CFAP47: variants seen among roughly 807,000 people sequenced by gnomAD.
The protein encoded by CFAP47 is cilia and flagella associated protein 47.
Under a neutral mutation model 148.1 loss-of-function variants are expected in CFAP47, and 29 were observed. The observed-to-expected ratio is 0.20, with a 90% CI of 0.15 to 0.27. CFAP47 has a LOEUF of 0.27. CFAP47 is among the 10% of genes least tolerant of loss of function. The probability of loss-of-function intolerance (pLI) is 1.00; values close to 1 mark genes in which losing one functional copy is unlikely to be tolerated. For missense variants in CFAP47, 1,872 were observed against 1,697.5 expected (o/e 1.10, Z -1.81); for synonymous variants, 664 against 577.3 (o/e 1.15, Z -2.15).
Position 36,361,329 on chromosome X carries a change from G to T in CFAP47, c.8852-1G>T. 9.4e-7 allele frequency: 1 copy of T among 1,061,916 alleles called. No homozygotes were observed. The allele number at this position is 1,061,916 out of a possible 1,213,427, so 87.5% of individuals were successfully genotyped here. ...ATATATTTTCATCTTGACTTTCCTA[G>T]AAATTCCTAAAATACATGAATTCGA... On this transcript the variant is annotated splice_acceptor_variant, in intron 60 of 63. Coordinates refer to ENST00000378653, the MANE Select transcript of CFAP47 (RefSeq NM_001304548.2). LOFTEE classifies it high-confidence loss of function.
At chrX:36,230,865 G>T (rs1271623916) in intron 46 of CFAP47, among the ~76,000 whole-genome samples, 1 of 106,647 alleles carries the variant, frequency 9.4e-6, no homozygotes, top group Non-Finnish European at 1.9e-5. Context: ...TATTAAATAA[G>T]GAATCCTTTC....
chrX:36,027,762 A>G (rs1410686748), intron 22 of CFAP47, among the ~76,000 whole-genome samples: 1 of 111,824 alleles, frequency 8.9e-6, no homozygotes, highest in Non-Finnish European at 1.9e-5. Flanking sequence ...GTACTAACTT[A>G]TATTCCCATC....
intron 15 of CFAP47, among the ~76,000 whole-genome samples, chrX:35,984,332 T>C (rs1936686323): frequency 9.0e-6 from 1 of 111,683 alleles, no homozygotes; most frequent in South Asian, 3.7e-4. Flanking sequence ...TTGCATCCAT[T>C]TGGATCTTCT....
intron 35 of CFAP47, among the ~76,000 whole-genome samples, chrX:36,139,210 T>C (rs1939098491): frequency 1.8e-5 from 2 of 111,549 alleles, no homozygotes; most frequent in Non-Finnish European, 3.8e-5. Context: ...AAAGACAGTG[T>C]GGAAGAGACA....
At position 36,101,382 on chromosome X, in the gene CFAP47, A is replaced by G. The variant is rs148046319; in HGVS notation, c.5127+1503A>G. On this transcript the variant is annotated intron_variant, in intron 32 of 63. Coordinates refer to ENST00000378653, the MANE Select transcript of CFAP47 (RefSeq NM_001304548.2). ...GCTTCCAGTGTCCCACTGACTTCAC[A>G]CTCACGTCAGAAATGGTTACAAGAA... Among the ~76,000 whole-genome samples the G allele has an allele frequency of 5.3e-3, 589 of 111,977 alleles. 3 individuals carry two copies. The highest frequency in any genetic ancestry group is 0.017 in the African/African-American group (535 of 30,882).
At chrX:35,932,491 A>G (rs189599415) in intron 2 of CFAP47, among the ~76,000 whole-genome samples, 227 of 109,410 alleles carry the variant, frequency 2.1e-3, no homozygotes, top group African/African-American at 7.3e-3. Flanking sequence ...GGCTCAAGCA[A>G]TCCTCCCACC....
intron 18 of CFAP47, among the ~76,000 whole-genome samples, chrX:35,996,380 G>A (rs1601922559): frequency 9.0e-6 from 1 of 111,346 alleles, no homozygotes; most frequent in African/African-American, 3.3e-5. Context: ...CTATCTAGCT[G>A]GCATATTGAT....
chrX:36,080,550 A>C, intron 29 of CFAP47, among the ~76,000 whole-genome samples: 1 of 111,919 alleles, frequency 8.9e-6, no homozygotes, highest in Non-Finnish European at 1.9e-5. Flanking sequence ...TCAATGATAG[A>C]CTGGATTAAG....
At chrX:36,284,608 C>T (rs147742221) in intron 50 of CFAP47, among the ~76,000 whole-genome samples, 161 of 111,388 alleles carry the variant, frequency 1.4e-3, no homozygotes, top group Non-Finnish European at 2.2e-3. Context: ...TCATACAGTG[C>T]CATACAATAC....
chrX:36,361,256 C>T, intron 60 of CFAP47, 74 bp from the exon 61 acceptor site: 1 of 563,063 alleles, frequency 1.8e-6, no homozygotes, highest in South Asian at 3.2e-5. Context: ...CATTGTTAGT[C>T]TTGACAGGTA....
chrX:36,116,640 G>A (rs751713332), intron 33 of CFAP47, among the ~76,000 whole-genome samples: 35 of 111,198 alleles, frequency 3.1e-4, no homozygotes, highest in South Asian at 7.5e-4. Context: ...GTGCACAGTA[G>A]GTGTATATAT....
chrX:36,353,413 A>C, intron 59 of CFAP47, 116 bp from the exon 60 acceptor site: 2 of 585,939 alleles, frequency 3.4e-6, no homozygotes, highest in Non-Finnish European at 5.4e-6. Context: ...ATACAATGAC[A>C]AGTCAAAGTA....
intron 49 of CFAP47, among the ~76,000 whole-genome samples, chrX:36,265,917 C>G (rs1263450467): frequency 9.0e-6 from 1 of 111,626 alleles, no homozygotes; most frequent in East Asian, 2.8e-4. Context: ...GGTGTGACTG[C>G]GGTACAAGTT....
chrX:36,313,264 T>G (rs994383314), intron 56 of CFAP47, among the ~76,000 whole-genome samples: 1 of 111,424 alleles, frequency 9.0e-6, no homozygotes, highest in Non-Finnish European at 1.9e-5. Context: ...CTCACAGTTC[T>G]TCATGGCTGG....
At chrX:36,213,414 G>T (rs1282850437) in intron 45 of CFAP47, among the ~76,000 whole-genome samples, 2 of 111,290 alleles carry the variant, frequency 1.8e-5, no homozygotes, top group Non-Finnish European at 3.8e-5. Context: ...CATATTCCAG[G>T]CCCAACTCTA....
chrX:35,926,396 A>C (rs993184292), intron 2 of CFAP47, among the ~76,000 whole-genome samples: 2 of 112,132 alleles, frequency 1.8e-5, no homozygotes, highest in African/African-American at 6.5e-5. Flanking sequence ...GAATTTTTGC[A>C]AACTTGTATT....
intron 3 of CFAP47, among the ~76,000 whole-genome samples, chrX:35,946,163 G>A (rs1396662915): frequency 9.0e-6 from 1 of 110,807 alleles, no homozygotes; most frequent in Non-Finnish European, 1.9e-5. Context: ...ATGAGCCACC[G>A]CACCTGGCCA....
chrX:35,926,544 A>AAAGAGCT (rs1935744160), intron 2 of CFAP47, among the ~76,000 whole-genome samples: 1 of 112,248 alleles, frequency 8.9e-6, no homozygotes, highest in South Asian at 3.7e-4. Flanking sequence ...TAAGTATAAA[A>AAAGAGCT]AAGAGCTAAG....
intron 25 of CFAP47, among the ~76,000 whole-genome samples, chrX:36,039,648 C>T (rs1475729679): frequency 8.9e-6 from 1 of 111,941 alleles, no homozygotes; most frequent in African/African-American, 3.3e-5. Context: ...GAGGCTCAGT[C>T]TTCCTCCAAG....
Sources: gnomAD v4.1 joint callset for allele counts (sites outside exome capture counted in the v4.1 genomes callset) on GRCh38, gnomAD v4.1.1 for gene constraint, MANE v1.5 for transcripts, NCBI Gene and HGNC (gene_info 2026-07-23, HGNC 2026-07-21) for gene names.